The following RASGRP2 variants were observed in gnomAD, a reference collection of about 807,000 sequenced individuals.
RASGRP2 encodes RAS guanyl-releasing protein 2.
RASGRP2 carries 44 observed loss-of-function variants against 71.0 expected under a neutral mutation model. The ratio of observed to expected loss-of-function variants is 0.62; its 90% CI spans 0.49 to 0.80. The LOEUF is 0.80. RASGRP2 is among the 30% of genes least tolerant of loss of function. RASGRP2 has a pLI of 0.00. For missense variants in RASGRP2, 663 were observed against 813.4 expected (o/e 0.82, Z 2.25); for synonymous variants, 350 against 330.7 (o/e 1.06, Z -0.63).
Position 64,743,067 on chromosome 11 carries a change from C to T in RASGRP2, c.-71-130G>A, listed in dbSNP as rs756318007. The stretch of plus-strand genomic sequence containing the variant: ...CGGAGTTGTCCCCCGCGGCCACTCC[C>T]GGGGTTAAACGGTCTGGCCCGGGAT... On this transcript the variant is annotated intron_variant, in intron 1 of 16. Transcript: ENST00000394432. The surrounding 1 kb of genome is among the most constrained non-coding windows in gnomAD (Gnocchi z 4.9). 5.8e-6 allele frequency: 6 copies of T among 1,030,792 alleles called. No homozygotes were observed. The South Asian group carries it at 8.2e-5, about 14-fold the overall frequency. The allele number at this position is 1,030,792 out of a possible 1,614,324, so 63.9% of individuals were successfully genotyped here.
chr11:64,730,307 C>T lies in RASGRP2; in HGVS notation c.1413-113G>A. On this transcript the variant is annotated intron_variant, in intron 12 of 16. Coordinates refer to ENST00000394432, the MANE Select transcript of RASGRP2 (RefSeq NM_001098671.2). The stretch of plus-strand genomic sequence containing the variant: ...CTCATGGAACTCCTGATTTTGGACT[C>T]CTGTTGCAGAGTAAAGAAAAGGCGG... The T allele has an allele frequency of 2.2e-6, 3 of 1,372,810 alleles. No individual in the cohort carries two copies. The South Asian group carries it at 3.8e-5, about 17-fold the overall frequency. 85.0% of individuals were successfully genotyped at this position (1,372,810 alleles called of 1,614,324 possible).
rs975453816 is a variant in RASGRP2 at position 64,740,650 on chromosome 11, A to G, written c.371+298T>C. 4.6e-6 allele frequency: 3 copies of G among 646,062 alleles called. No individual in the cohort carries two copies. The African/African-American group carries it at 5.4e-5, about 12-fold the overall frequency. The allele number at this position is 646,062 out of a possible 1,614,324, so 40.0% of individuals were successfully genotyped here. ...TCTTGGTAACACGGAGGAGGCAGCA[A>G]GGGGGATGATATGAGCAGAGCACCA... On this transcript the variant is annotated intron_variant, in intron 5 of 16. Transcript: ENST00000394432.
At position 64,740,967 on chromosome 11, in the gene RASGRP2, G is replaced by C. The variant is rs757759731; in HGVS notation, c.352C>G (p.Leu118Val). ...ACGCACACGCTGTCTATGTCGATTAGGCTGCTGTGCCGTCGGTTCCCTTCT... is the reference window on the plus strand; with the variant it reads ...ACGCACACGCTGTCTATGTCGATTACGCTGCTGTGCCGTCGGTTCCCTTCT... ...DQEGNRRHSS[L>V]IDIDSVPTYK... The change falls in exon 5 of 17, where the codon CTA (leucine) becomes GTA (valine). Residue 118 changes from leucine (L) to valine (V), a missense_variant. Leu to Val is a conservative substitution (Grantham distance 32, BLOSUM62 1). Transcript: ENST00000394432. The C allele has an allele frequency of 1.9e-6, 3 of 1,613,896 alleles. No homozygotes were observed. The Admixed American group carries it at 5.0e-5, about 27-fold the overall frequency.
chr11:64,733,145 A>G (rs1257452312), intron 12 of RASGRP2, among the ~76,000 whole-genome samples: 1 of 151,420 alleles, frequency 6.6e-6, no homozygotes, highest in African/African-American at 2.4e-5. Context: ...GAGGGTGATT[A>G]AAAAAAAGAA....
Position 64,739,304 on chromosome 11 carries a change from G to A in RASGRP2, c.813+56C>T, listed in dbSNP as rs948026862. ...TGTGCCCAGCCCCCAGTGCTGCTGG[G>A]AGGACCCAGTGAAGACAGACCTGGG... On this transcript the variant is annotated intron_variant, in intron 8 of 16. Transcript: ENST00000394432. The surrounding 1 kb of genome is among the most constrained non-coding windows in gnomAD (Gnocchi z 4.2). 1.4e-5 allele frequency: 19 copies of A among 1,354,910 alleles called. No homozygotes were observed. The highest frequency in any genetic ancestry group is 1.7e-5 in the Admixed American group (1 of 59,600). 83.9% of individuals were successfully genotyped at this position (1,354,910 alleles called of 1,614,324 possible). A position where few individuals can be genotyped will look rare whatever the true frequency, so the allele number is the denominator to read the frequency against.
At chr11:64,730,374 C>T (rs960987577) in intron 12 of RASGRP2, among the ~76,000 whole-genome samples, 180 bp from the exon 13 acceptor site, 3 of 152,066 alleles carry the variant, frequency 2.0e-5, no homozygotes, top group Non-Finnish European at 4.4e-5. Context: ...GTGCCGCTAA[C>T]CAGTGTGTGG....
At chr11:64,737,686 A>G (rs2057989161) in intron 8 of RASGRP2, among the ~76,000 whole-genome samples, 1 of 150,826 alleles carries the variant, frequency 6.6e-6, no homozygotes, top group Non-Finnish European at 1.5e-5. Flanking sequence ...CTCAAAAAAA[A>G]AAAAAAAAAG....
Position 64,742,884 on chromosome 11 carries a change from G to T in RASGRP2, c.-18C>A. 1.9e-6 allele frequency: 3 copies of T among 1,576,752 alleles called. No homozygotes were observed. Among genetic ancestry groups the T allele is most frequent in the East Asian group, 2.3e-5 (1 of 43,458 alleles). ...CCTGCCATGGCCGCCGGCGCGGGGT[G>T]GGCTGGGCCCAGGCTGCGCTCCGGG... is the stretch of plus-strand genomic sequence containing the variant. On this transcript the variant is annotated 5_prime_UTR_variant, in exon 2 of 17. Coordinates refer to ENST00000394432, the MANE Select transcript of RASGRP2 (RefSeq NM_001098671.2). The surrounding 1 kb of genome is among the most constrained non-coding windows in gnomAD (Gnocchi z 4.7).
rs1334805911 is a variant in RASGRP2, at chr11:64,741,420, C to A, written c.239+19G>T. The A allele has an allele frequency of 1.3e-6, 2 of 1,531,660 alleles. No individual in the cohort carries two copies. Among genetic ancestry groups the A allele is most frequent in the African/African-American group, 1.4e-5 (1 of 72,890 alleles). 94.9% of individuals were successfully genotyped at this position (1,531,660 alleles called of 1,614,324 possible). On this transcript the variant is annotated intron_variant, in intron 4 of 16. Coordinates refer to ENST00000394432, the MANE Select transcript of RASGRP2 (RefSeq NM_001098671.2). ...AAGGGAGAAAGGGGAGGGGCTAGAG[C>A]CCCAGGGGAAAGACTCACCTGACCA...
chr11:64,730,711 G>A (rs1293791167), intron 12 of RASGRP2, among the ~76,000 whole-genome samples: 1 of 152,226 alleles, frequency 6.6e-6, no homozygotes, highest in Non-Finnish European at 1.5e-5. Flanking sequence ...ATACATTTTA[G>A]GGAAAGAATG....
Position 64,727,084 on chromosome 11 carries a change from T to G in RASGRP2, c.*54A>C, listed in dbSNP as rs2057587214. On this transcript the variant is annotated 3_prime_UTR_variant, in exon 17 of 17. Coordinates refer to ENST00000394432, the MANE Select transcript of RASGRP2 (RefSeq NM_001098671.2). ...GACACCCCCAGGCTCCCTGCTCTGG[T>G]TGAAGTATTTTCTCCAAGGCAGGAA... 4 of 395,056 alleles carry G rather than the reference T, an allele frequency of 1.0e-5. No individual in the cohort carries two copies. Among genetic ancestry groups the G allele is most frequent in the Non-Finnish European group, 9.9e-6 (2 of 201,192 alleles). The allele number at this position is 395,056 out of a possible 1,614,324, so 24.5% of individuals were successfully genotyped here.
At position 64,736,642 on chromosome 11, in the gene RASGRP2, TCA is replaced by T. The variant is rs1240190310; in HGVS notation, c.1095+109_1095+110del. ...CAAACCCCAGAGCCCACGCTAGATC[TCA>T]GTTTCTTGGCCAGAACCCAGAGCCC... On this transcript the variant is annotated intron_variant, in intron 9 of 16. Coordinates refer to ENST00000394432, the MANE Select transcript of RASGRP2 (RefSeq NM_001098671.2). 5.7e-6 allele frequency: 7 copies of T among 1,237,706 alleles called. No homozygotes were observed. The Admixed American group carries it at 6.2e-5, about 11-fold the overall frequency. 76.7% of individuals were successfully genotyped at this position (1,237,706 alleles called of 1,614,324 possible). A position where few individuals can be genotyped will look rare whatever the true frequency, so the allele number is the denominator to read the frequency against.
chr11:64,738,138 G>A (rs1408106941), intron 8 of RASGRP2, among the ~76,000 whole-genome samples: 1 of 151,972 alleles, frequency 6.6e-6, no homozygotes, highest in African/African-American at 2.4e-5. Flanking sequence ...ATGACAGAAT[G>A]AAAAGACTCT....
At chr11:64,730,586 T>C (rs557822436) in intron 12 of RASGRP2, among the ~76,000 whole-genome samples, 69 of 152,294 alleles carry the variant, frequency 4.5e-4, no homozygotes, top group Non-Finnish European at 7.9e-4. Flanking sequence ...CCAGGAGAGA[T>C]TGGGAGAAAT....
intron 12 of RASGRP2, among the ~76,000 whole-genome samples, chr11:64,731,249 G>A (rs909844895): frequency 5.3e-5 from 8 of 151,912 alleles, no homozygotes; most frequent in East Asian, 1.9e-4. Context: ...CCAGCTACTC[G>A]GGAGGCTAAG....
Position 64,727,103 on chromosome 11 carries a change from G to C in RASGRP2, c.*35C>G. On this transcript the variant is annotated 3_prime_UTR_variant, in exon 17 of 17. Transcript: ENST00000394432. ...CTCTGGTTGAAGTATTTTCTCCAAG[G>C]CAGGAATGAGTCCTTGATCCAACCA... 1.7e-6 allele frequency: 1 copy of C among 573,514 alleles called. No homozygotes were observed. Among genetic ancestry groups the C allele is most frequent in the Non-Finnish European group, 3.2e-6 (1 of 310,140 alleles). The allele number at this position is 573,514 out of a possible 1,614,324, so 35.5% of individuals were successfully genotyped here. A position where few individuals can be genotyped will look rare whatever the true frequency, so the allele number is the denominator to read the frequency against.
At position 64,728,881 on chromosome 11, in the gene RASGRP2, G is replaced by A; in HGVS notation, c.1753C>T (p.Arg585Ter). 1 of 1,611,842 alleles carries A rather than the reference G, an allele frequency of 6.2e-7. No individual in the cohort carries two copies. The highest frequency in any genetic ancestry group is 8.5e-7 in the Non-Finnish European group (1 of 1,179,494). The change falls in exon 15 of 17, where the codon CGA (arginine) becomes TGA (stop). Residue 585 changes from arginine (R) to a stop codon, truncating the protein, a stop_gained. Transcript: ENST00000394432. LOFTEE classifies it high-confidence loss of function. ...FSFSLPRPGR[R>*]GSRPPEIREE... ...CTCTTACCTGGAGGCCTGGAGCCTC[G>A]CCTGCCAGGGCGGGGCAGAGAGAAG... is the stretch of plus-strand genomic sequence containing the variant.
At chr11:64,732,431 G>A (rs1387617565) in intron 12 of RASGRP2, among the ~76,000 whole-genome samples, 1 of 152,186 alleles carries the variant, frequency 6.6e-6, no homozygotes, top group Non-Finnish European at 1.5e-5. Context: ...GGCCGAGGCG[G>A]GCGGATCACC....
rs866823306 is a variant in RASGRP2, at chr11:64,742,426, G to C, written c.74-314C>G. On this transcript the variant is annotated intron_variant, in intron 2 of 16. Transcript: ENST00000394432. The surrounding 1 kb of genome is among the most constrained non-coding windows in gnomAD (Gnocchi z 4.7). Reference sequence around the variant, plus strand: ...CCAGAGGTCATTTCCTGAGCGCTTGGGGGGAAGGGGCACCCCTTCACCAGA... The same window carrying C: ...CCAGAGGTCATTTCCTGAGCGCTTGCGGGGAAGGGGCACCCCTTCACCAGA... 3 of 563,814 alleles carry C rather than the reference G, an allele frequency of 5.3e-6. No homozygotes were observed. The highest frequency in any genetic ancestry group is 9.6e-6 in the Non-Finnish European group (3 of 313,548). The allele number at this position is 563,814 out of a possible 1,614,324, so 34.9% of individuals were successfully genotyped here. A position where few individuals can be genotyped will look rare whatever the true frequency, so the allele number is the denominator to read the frequency against.
Sources: gnomAD v4.1 joint callset for allele counts (sites outside exome capture counted in the v4.1 genomes callset) on GRCh38, gnomAD v4.1.1 for gene constraint, Gnocchi (gnomAD v3.1) non-coding constraint, MANE v1.5 for transcripts, NCBI Gene and HGNC (gene_info 2026-07-23, HGNC 2026-07-21) for gene names.